The following TADA2A variants were observed in gnomAD, a reference collection of about 807,000 sequenced individuals.
TADA2A encodes transcriptional adapter 2-alpha.
A neutral mutation model predicts 67.4 loss-of-function variants in TADA2A; 38 were observed. The ratio of observed to expected loss-of-function variants is 0.56; its 90% CI spans 0.44 to 0.74. The LOEUF (loss-of-function observed/expected upper bound fraction) is 0.74. Among genes scored for constraint, TADA2A ranks in the 30% least tolerant of loss-of-function variants. TADA2A has a pLI of 0.00. For missense variants in TADA2A, 454 were observed against 547.0 expected (o/e 0.83, Z 1.70); for synonymous variants, 192 against 181.6 (o/e 1.06, Z -0.46).
chr17:37,436,971 A>G (rs1019882363), intron 4 of TADA2A, among the ~76,000 whole-genome samples: 1 of 151,960 alleles, frequency 6.6e-6, no homozygotes, highest in Non-Finnish European at 1.5e-5. Flanking sequence ...CTTCTAGCTA[A>G]TGGTGGAAAC....
At chr17:37,458,662 T>C in intron 9 of TADA2A, 75 bp downstream of exon 9, 1 of 1,230,296 alleles carries the variant, frequency 8.1e-7, no homozygotes. Context: ...TGTGTGTGTG[T>C]GTGTGTGTGT....
In TADA2A at chr17:37,478,799, TG is replaced by T. The variant is rs1415604753; in HGVS notation, c.*1818del. On this transcript the variant is annotated 3_prime_UTR_variant, in exon 16 of 16. Coordinates refer to ENST00000615182, the MANE Select transcript of TADA2A (RefSeq NM_001166105.3). ...CTCAAACTTTTGACTGTTGTAAATA[TG>T]CATGCAGCTGGGAAGGGATTCATCT... 1 of 152,224 alleles carries T rather than the reference TG, an allele frequency of 6.6e-6. No homozygotes were observed. Among genetic ancestry groups the T allele is most frequent in the Non-Finnish European group, 1.5e-5 (1 of 68,046 alleles). The allele number at this position is 152,224 out of a possible 1,614,324, so 9.4% of individuals were successfully genotyped here. A position where few individuals can be genotyped will look rare whatever the true frequency, so the allele number is the denominator to read the frequency against.
Position 37,470,498 on chromosome 17 carries a change from G to C in TADA2A, c.994G>C (p.Ala332Pro). ...EVLQYIQDSS[A>P]CQQWLRRQAD... ...TCTCCAGTATATCCAGGACAGTAGT[G>C]CTTGCCAGCAGTGGCTCCGCCGGCA... Residue 332 changes from alanine to proline, a missense_variant, in exon 13 of 16, where the codon GCT becomes CCT. Ala to Pro is a conservative substitution (Grantham distance 27). Around this residue, in one of 2 missense-constraint regions of TADA2A, gnomAD observed 403 missense variants for 455.5 expected, o/e 0.88. Transcript: ENST00000615182. 1.9e-6 allele frequency: 3 copies of C among 1,589,840 alleles called. No homozygotes were observed. Among genetic ancestry groups the C allele is most frequent in the Non-Finnish European group, 2.6e-6 (3 of 1,171,158 alleles).
At chr17:37,465,018 G>A (rs2053632646) in intron 10 of TADA2A, among the ~76,000 whole-genome samples, 1 of 151,578 alleles carries the variant, frequency 6.6e-6, no homozygotes, top group Admixed American at 6.6e-5. Flanking sequence ...GTAGTGGCGG[G>A]CGCCTGTAAT....
At chr17:37,466,780 C>CT (rs2053673051) in intron 11 of TADA2A, among the ~76,000 whole-genome samples, 1 of 152,166 alleles carries the variant, frequency 6.6e-6, no homozygotes, top group African/African-American at 2.4e-5. Context: ...CCTTCATTCT[C>CT]TGTTTCAAAA....
intron 4 of TADA2A, among the ~76,000 whole-genome samples, chr17:37,432,019 T>G: frequency 6.6e-6 from 1 of 152,196 alleles, no homozygotes. Context: ...CCCTGCTGCC[T>G]TTTTTACCCT....
intron 6 of TADA2A, among the ~76,000 whole-genome samples, chr17:37,441,668 C>CTT (rs34359729): frequency 2.2e-3 from 300 of 137,152 alleles, no homozygotes; most frequent in African/African-American, 6.0e-3. Context: ...GTAATACCTC[C>CTT]TTTTTTTTTT....
chr17:37,407,142 TG>T (rs1250967981), intron 1 of TADA2A, 193 bp downstream of exon 1: 2 of 66,278 alleles, frequency 3.0e-5, no homozygotes, highest in Non-Finnish European at 6.6e-5. Context: ...CGCCGCTCTG[TG>T]GGGGAGGGCG....
In TADA2A at chr17:37,474,584, C is replaced by T. The variant is rs752587220; in HGVS notation, c.1101C>T (p.Leu367=). 1.2e-6 allele frequency: 2 copies of T among 1,613,698 alleles called. No individual in the cohort carries two copies. Among genetic ancestry groups the T allele is most frequent in the Non-Finnish European group, 1.7e-6 (2 of 1,179,890 alleles). The change falls in exon 15 of 16, where the codon CTC becomes CTT. Residue 367 remains leucine (L), a synonymous_variant. Coordinates refer to ENST00000615182, the MANE Select transcript of TADA2A (RefSeq NM_001166105.3). ...SGRRSAPPLN[L]TGLPGTEKLN... ...GACGGAGTGCACCACCCTTGAACCT[C>T]ACTGGCCTCCCTGGCACAGAGAAGC...
At position 37,415,691 on chromosome 17, in the gene TADA2A, A is replaced by G. The variant is rs1363152999; in HGVS notation, c.25+4301A>G. ...TCAGGTGTTCGAGACCAGCCTGACC[A>G]CCATGGTGAAGCCTCTACTAAAGAT... On this transcript the variant is annotated intron_variant, in intron 2 of 15. Coordinates refer to ENST00000615182, the MANE Select transcript of TADA2A (RefSeq NM_001166105.3). Among the ~76,000 whole-genome samples, 4 of 148,928 alleles carry G rather than the reference A, an allele frequency of 2.7e-5. 1 individual carries two copies. Among genetic ancestry groups the G allele is most frequent in the African/African-American group, 1.0e-4 (4 of 38,478 alleles).
At chr17:37,422,965 A>C (rs544283695) in intron 2 of TADA2A, among the ~76,000 whole-genome samples, 1 of 152,330 alleles carries the variant, frequency 6.6e-6, no homozygotes, top group Non-Finnish European at 1.5e-5. Flanking sequence ...GTGACTGGGC[A>C]TGGTAGCTCA....
chr17:37,474,475 T>C, intron 14 of TADA2A, 81 bp from the exon 15 acceptor site: 1 of 1,361,598 alleles, frequency 7.3e-7, no homozygotes, highest in Non-Finnish European at 1.0e-6. Flanking sequence ...CTGGCCTGGC[T>C]GCACTGAACT....
intron 2 of TADA2A, among the ~76,000 whole-genome samples, chr17:37,413,878 G>A (rs993619150): frequency 1.3e-5 from 2 of 151,948 alleles, no homozygotes; most frequent in Admixed American, 1.3e-4. Flanking sequence ...GGGGTTTTGT[G>A]TACAAATTAT....
chr17:37,435,151 T>C (rs980449261), intron 4 of TADA2A, among the ~76,000 whole-genome samples: 1 of 152,220 alleles, frequency 6.6e-6, no homozygotes, highest in African/African-American at 2.4e-5. Context: ...TGCTACTGGG[T>C]TGGTCATTTT....
chr17:37,431,959 T>C (rs1239881122), intron 4 of TADA2A, among the ~76,000 whole-genome samples: 1 of 152,212 alleles, frequency 6.6e-6, no homozygotes, highest in Non-Finnish European at 1.5e-5. Context: ...TACGTAATTC[T>C]AGTCACTTTT....
At chr17:37,467,982 T>C (rs1051961586) in intron 12 of TADA2A, among the ~76,000 whole-genome samples, 2 of 151,892 alleles carry the variant, frequency 1.3e-5, no homozygotes, top group African/African-American at 2.4e-5. Flanking sequence ...CTCGGGAGGC[T>C]GAGGCACAAG....
rs983760182 is a variant in TADA2A at position 37,426,938 on chromosome 17, C to A, written c.133-12C>A. ...AGTAGCTTTTGCTAATTTAATTTTT[C>A]TTTCTTTGCAGTGTTTCACTCGAGG... On this transcript the variant is annotated splice_polypyrimidine_tract_variant and intron_variant, in intron 3 of 15. Coordinates refer to ENST00000615182, the MANE Select transcript of TADA2A (RefSeq NM_001166105.3). 2.5e-6 allele frequency: 4 copies of A among 1,592,614 alleles called. No homozygotes were observed. The highest frequency in any genetic ancestry group is 1.2e-5 in the South Asian group (1 of 84,186).
rs34841409 is a variant in TADA2A at position 37,454,299 on chromosome 17, C to CT, written c.605-4206dup. 5.6e-3 allele frequency: 605 copies of CT among 107,274 alleles called. 5 individuals carry two copies. Among genetic ancestry groups the CT allele is most frequent in the Non-Finnish European group, 6.6e-3 (351 of 53,534 alleles). 6.6% of individuals were successfully genotyped at this position (107,274 alleles called of 1,614,324 possible). A position where few individuals can be genotyped will look rare whatever the true frequency, so the allele number is the denominator to read the frequency against. On this transcript the variant is annotated intron_variant, in intron 8 of 15. Coordinates refer to ENST00000615182, the MANE Select transcript of TADA2A (RefSeq NM_001166105.3). ...TGCGAGGGCATTACTTTCTTTCTTTCTTTTTTTTTTTTTTTTTTTGGAGTC... is the reference window on the plus strand; with the variant it reads ...TGCGAGGGCATTACTTTCTTTCTTTCTTTTTTTTTTTTTTTTTTTTGGAGTC...
At chr17:37,474,453 TC>T in intron 14 of TADA2A, 102 bp from the exon 15 acceptor site, 1 of 1,058,194 alleles carries the variant, frequency 9.5e-7, no homozygotes, top group Non-Finnish European at 1.4e-6. Flanking sequence ...GATATAGTGA[TC>T]CTATACCTAA....
Sources: allele counts gnomAD v4.1 joint callset (sites outside exome capture counted in the v4.1 genomes callset), GRCh38; gene constraint gnomAD v4.1.1; regional missense constraint gnomAD v4.1.1; transcripts MANE v1.5; gene names NCBI Gene and HGNC (gene_info 2026-07-23, HGNC 2026-07-21).